Variants in TBC1D5 observed in about 807,000 individuals in gnomAD.
The protein encoded by TBC1D5 is TBC1 domain family member 5, also known as TBC1 domain family, member 5.
A neutral mutation model predicts 100.3 loss-of-function variants in TBC1D5; 75 were observed. The ratio of observed to expected loss-of-function variants is 0.75; its 90% CI spans 0.62 to 0.91. The LOEUF (loss-of-function observed/expected upper bound fraction) is 0.91, where lower values mean the gene tolerates loss of function less well. TBC1D5 is among the 40% of genes least tolerant of loss of function. The pLI is 0.00. For synonymous variants in TBC1D5, 323 were observed against 325.6 expected (o/e 0.99, Z 0.09); for missense variants, 910 against 942.4 (o/e 0.97, Z 0.45).
At chr3:17,294,019 T>G (rs2082008587) in intron 14 of TBC1D5, among the ~76,000 whole-genome samples, 1 of 152,242 alleles carries the variant, frequency 6.6e-6, no homozygotes, top group African/African-American at 2.4e-5. Flanking sequence ...AAAGTCTAGC[T>G]GCAGAGTCTG....
intron 2 of TBC1D5, among the ~76,000 whole-genome samples, chr3:17,517,432 A>T (rs769243945): frequency 1.3e-5 from 2 of 152,232 alleles, no homozygotes; most frequent in Middle Eastern, 3.2e-3. Flanking sequence ...AGTAAACGTT[A>T]TTGTTACACA....
intron 1 of TBC1D5, among the ~76,000 whole-genome samples, chr3:17,663,268 T>TTCAAAATGG (rs1560408153): frequency 6.6e-6 from 1 of 151,138 alleles, no homozygotes; most frequent in Non-Finnish European, 1.5e-5. Flanking sequence ...TACATAAAAA[T>TTCAAAATGG]TTATATGACC....
chr3:17,685,439 T>TAAAAC (rs986124027), intron 1 of TBC1D5, among the ~76,000 whole-genome samples: 1 of 151,948 alleles, frequency 6.6e-6, no homozygotes, highest in African/African-American at 2.4e-5. Flanking sequence ...AATACATAAA[T>TAAAAC]AAAACAGCAA....
intron 1 of TBC1D5, among the ~76,000 whole-genome samples, chr3:17,712,566 C>T (rs577218740): frequency 6.6e-6 from 1 of 152,276 alleles, no homozygotes; most frequent in African/African-American, 2.4e-5. Context: ...TTGTTGAAAA[C>T]TACTTAGCCC....
intron 13 of TBC1D5, among the ~76,000 whole-genome samples, chr3:17,365,877 C>T (rs1014028910): frequency 6.6e-6 from 1 of 152,178 alleles, no homozygotes; most frequent in Non-Finnish European, 1.5e-5. Flanking sequence ...AGTTCAAAGC[C>T]TGGCTCAGCT....
chr3:17,303,058 T>A lies in TBC1D5; in HGVS notation c.1138+4934A>T, dbSNP rs1362783570. ...CAAAAATATAAGCTCATCTAATTAG[T>A]CCTGACCTCCCATGCAACTCTGTCC... On this transcript the variant is annotated intron_variant, in intron 14 of 21. Transcript: ENST00000253692. Among the ~76,000 whole-genome samples, 6 of 152,320 alleles carry A rather than the reference T, an allele frequency of 3.9e-5. No homozygotes were observed. The East Asian group carries it at 9.6e-4, about 24-fold the overall frequency.
At chr3:17,367,587 A>T (rs1481637058) in intron 13 of TBC1D5, among the ~76,000 whole-genome samples, 2 of 152,162 alleles carry the variant, frequency 1.3e-5, no homozygotes, top group Non-Finnish European at 2.9e-5. Context: ...GGCTGGGCGC[A>T]GTGGCTCACA....
intron 2 of TBC1D5, among the ~76,000 whole-genome samples, chr3:17,560,643 G>T (rs1018331833): frequency 1.4e-3 from 195 of 141,054 alleles, no homozygotes; most frequent in Non-Finnish European, 2.5e-3. Context: ...GGGGTGGGGG[G>T]CGGACACAGT....
intron 3 of TBC1D5, among the ~76,000 whole-genome samples, chr3:17,469,434 A>G (rs1414725946): frequency 6.6e-6 from 1 of 152,100 alleles, no homozygotes; most frequent in Admixed American, 6.5e-5. Flanking sequence ...ACTCATTCAC[A>G]TGTTCCACCA....
chr3:17,406,733 T>G (rs2093780895), intron 4 of TBC1D5: 14 of 509,954 alleles, frequency 2.7e-5, no homozygotes, highest in Non-Finnish European at 3.4e-5. Context: ...ATAGCTATAA[T>G]TACGCCAGCT....
intron 1 of TBC1D5, among the ~76,000 whole-genome samples, chr3:17,705,405 C>T (rs1402785335): frequency 1.7e-4 from 25 of 142,918 alleles, no homozygotes; most frequent in African/African-American, 5.9e-4. Flanking sequence ...CTCCTCACTT[C>T]CCAGATGGGG....
chr3:17,606,800 C>A (rs1036414557), intron 2 of TBC1D5, among the ~76,000 whole-genome samples: 2 of 151,932 alleles, frequency 1.3e-5, no homozygotes, highest in African/African-American at 4.8e-5. Context: ...ACAACAACAA[C>A]AACAAATAAC....
At chr3:17,326,603 G>T (rs1559638972) in intron 13 of TBC1D5, among the ~76,000 whole-genome samples, 1 of 152,130 alleles carries the variant, frequency 6.6e-6, no homozygotes, top group Non-Finnish European at 1.5e-5. Context: ...CTCCTGAGTA[G>T]CTGAGACCAC....
At chr3:17,376,702 C>A in intron 9 of TBC1D5, 89 bp from the exon 10 acceptor site, 1 of 1,046,820 alleles carries the variant, frequency 9.6e-7, no homozygotes, top group Non-Finnish European at 1.3e-6. Context: ...CTTCTTCAAA[C>A]CAATTCCCAC....
At chr3:17,667,527 C>T (rs903560878) in intron 1 of TBC1D5, among the ~76,000 whole-genome samples, 4 of 151,918 alleles carry the variant, frequency 2.6e-5, no homozygotes, top group African/African-American at 9.7e-5. Context: ...ACAATCATGG[C>T]TGCAGCCTTG....
chr3:17,436,879 A>G (rs187623384), intron 3 of TBC1D5, among the ~76,000 whole-genome samples: 1 of 152,334 alleles, frequency 6.6e-6, no homozygotes, highest in African/African-American at 2.4e-5. Context: ...CTAAATGGGA[A>G]ACAGGGACTA....
chr3:17,546,870 A>T (rs1371877994), intron 2 of TBC1D5: 2 of 152,182 alleles, frequency 1.3e-5, no homozygotes, highest in Admixed American at 6.5e-5. Context: ...AATAAATTTC[A>T]CATCTTCAAA....
intron 9 of TBC1D5, among the ~76,000 whole-genome samples, chr3:17,380,047 G>GTGTGTGTGTA (rs1553716370): frequency 9.9e-6 from 1 of 100,590 alleles, no homozygotes; most frequent in Non-Finnish European, 2.0e-5. Flanking sequence ...GACTGTGTAT[G>GTGTGTGTGTA]TGTGTGTGTG....
intron 13 of TBC1D5, among the ~76,000 whole-genome samples, chr3:17,358,671 G>C (rs1282758736): frequency 6.6e-6 from 1 of 152,062 alleles, no homozygotes; most frequent in African/African-American, 2.4e-5. Context: ...TTAGAGCTTA[G>C]ATCTATTAAA....
Sources: allele counts gnomAD v4.1 joint callset (sites outside exome capture counted in the v4.1 genomes callset), GRCh38; gene constraint gnomAD v4.1.1; transcripts MANE v1.5; gene names NCBI Gene and HGNC (gene_info 2026-07-23, HGNC 2026-07-21).